The following SLCO3A1 variants were observed in gnomAD, a reference collection of about 807,000 sequenced individuals.
The protein encoded by SLCO3A1 is solute carrier organic anion transporter family member 3A1, also known as PGE1 transporter.
SLCO3A1 carries 27 observed loss-of-function variants against 63.1 expected under a neutral mutation model. The observed-to-expected ratio is 0.43, with a 90% CI of 0.32 to 0.59. The LOEUF is 0.59. Among genes scored for constraint, SLCO3A1 ranks in the 20% least tolerant of loss-of-function variants. SLCO3A1 has a pLI of 0.09. For missense variants in SLCO3A1, 773 were observed against 945.8 expected (o/e 0.82, Z 2.40); for synonymous variants, 473 against 409.9 (o/e 1.15, Z -1.86).
At chr15:92,017,959 C>T (rs80193374) in intron 2 of SLCO3A1, among the ~76,000 whole-genome samples, 4,348 of 152,076 alleles carry the variant, frequency 0.029, 212 homozygotes, top group African/African-American at 0.099. Context: ...TTGGAGAGGT[C>T]GGAGGGAAAC....
chr15:91,951,335 C>T (rs1899990481), intron 2 of SLCO3A1, among the ~76,000 whole-genome samples: 1 of 152,106 alleles, frequency 6.6e-6, no homozygotes, highest in Non-Finnish European at 1.5e-5. Flanking sequence ...TGTTTTGTGT[C>T]CAATTCTTTC....
intron 2 of SLCO3A1, among the ~76,000 whole-genome samples, chr15:92,048,018 C>T (rs900891174): frequency 4.6e-5 from 7 of 152,080 alleles, no homozygotes; most frequent in Non-Finnish European, 8.8e-5. Context: ...TTGCCTCTCT[C>T]TGCCCCTAAT....
intron 9 of SLCO3A1, among the ~76,000 whole-genome samples, chr15:92,153,794 A>G (rs112275133): frequency 0.057 from 8,697 of 152,218 alleles, 335 homozygotes; most frequent in South Asian, 0.088. Flanking sequence ...CTTACGGGGT[A>G]AAAGCCCGGG....
chr15:91,922,187 C>G (rs563308810), intron 2 of SLCO3A1, among the ~76,000 whole-genome samples: 1 of 137,346 alleles, frequency 7.3e-6, no homozygotes, highest in East Asian at 2.6e-4. Context: ...CAGACACACG[C>G]GCGTGCACGC....
At chr15:92,120,406 A>C in intron 4 of SLCO3A1, 59 bp from the exon 5 acceptor site, 1 of 1,549,028 alleles carries the variant, frequency 6.5e-7, no homozygotes, top group Non-Finnish European at 8.8e-7. Flanking sequence ...AGGGAGCTAT[A>C]AGATGGGAGC....
intron 5 of SLCO3A1, among the ~76,000 whole-genome samples, chr15:92,121,242 C>G (rs1299802322): frequency 6.6e-6 from 1 of 152,228 alleles, no homozygotes; most frequent in Non-Finnish European, 1.5e-5. Context: ...TGTGGTCCTG[C>G]AGCATGTCTT....
intron 2 of SLCO3A1, among the ~76,000 whole-genome samples, chr15:91,999,452 A>G (rs570483406): frequency 6.6e-6 from 1 of 152,316 alleles, no homozygotes; most frequent in African/African-American, 2.4e-5. Flanking sequence ...AGAGGGAGAA[A>G]TCAGAGGTGA....
chr15:91,982,805 G>C (rs990687146), intron 2 of SLCO3A1, among the ~76,000 whole-genome samples: 1 of 152,266 alleles, frequency 6.6e-6, no homozygotes, highest in Non-Finnish European at 1.5e-5. Context: ...ATGCTGGTGG[G>C]TGGGGAGCTG....
At position 91,954,144 on chromosome 15, in the gene SLCO3A1, G is replaced by T. The variant is rs1331084875; in HGVS notation, c.646+37686G>T. 1.3e-5 allele frequency among the ~76,000 whole-genome samples: 2 copies of T among 152,234 alleles called. No homozygotes were observed. The highest frequency in any genetic ancestry group is 2.9e-5 in the Non-Finnish European group (2 of 68,038). ...AGATTGAGAAAGGCACATACAGTCT[G>T]TGAAGATAGTTTTGACCTCCTAGAC... is the stretch of plus-strand genomic sequence containing the variant. On this transcript the variant is annotated intron_variant, in intron 2 of 9. Coordinates refer to ENST00000318445, the MANE Select transcript of SLCO3A1 (RefSeq NM_013272.4). The surrounding 1 kb of genome is among the most constrained non-coding windows in gnomAD (Gnocchi z 4.7).
At chr15:92,030,907 C>T (rs1435982744) in intron 2 of SLCO3A1, among the ~76,000 whole-genome samples, 2 of 152,002 alleles carry the variant, frequency 1.3e-5, no homozygotes, top group East Asian at 1.9e-4. Flanking sequence ...AAAACAGATG[C>T]CAACCTATGG....
chr15:91,889,410 C>T (rs1897814954), intron 1 of SLCO3A1, among the ~76,000 whole-genome samples: 1 of 152,188 alleles, frequency 6.6e-6, no homozygotes, highest in South Asian at 2.1e-4. Context: ...TCTTACATCC[C>T]AGGGGTATCT....
In SLCO3A1 at chr15:92,091,377, A is replaced by G. The variant is rs191354702; in HGVS notation, c.647-3504A>G. ...CCTGGAGGCGCTGGCCCTTCCTTCC[A>G]CAGGGATCCTGCATCTCAGTACCTG... On this transcript the variant is annotated intron_variant, in intron 2 of 9. Transcript: ENST00000318445. Among the ~76,000 whole-genome samples, 155 of 152,280 alleles carry G rather than the reference A, an allele frequency of 1.0e-3. 1 individual carries two copies. The highest frequency in any genetic ancestry group is 3.5e-3 in the African/African-American group (147 of 41,560).
intron 2 of SLCO3A1, among the ~76,000 whole-genome samples, chr15:92,057,673 C>G (rs116832785): frequency 0.014 from 2,128 of 152,308 alleles, 13 homozygotes; most frequent in African/African-American, 0.027. Flanking sequence ...AGAATGTCTG[C>G]TGCTTCTTGA....
intron 4 of SLCO3A1, among the ~76,000 whole-genome samples, chr15:92,115,069 A>AAT (rs67180571): frequency 0.75 from 113,567 of 151,360 alleles, 44,291 homozygotes; most frequent in East Asian, 0.95. Context: ...ATCAAAGGAA[A>AAT]AGAAAGTCAA....
chr15:92,148,393 T>G (rs1211500779), intron 8 of SLCO3A1, among the ~76,000 whole-genome samples: 2 of 152,246 alleles, frequency 1.3e-5, no homozygotes, highest in Non-Finnish European at 2.9e-5. Flanking sequence ...CTCATCTTTA[T>G]TATGAATTCC....
At chr15:91,866,314 C>G (rs1225610419) in intron 1 of SLCO3A1, among the ~76,000 whole-genome samples, 1 of 152,174 alleles carries the variant, frequency 6.6e-6, no homozygotes, top group Non-Finnish European at 1.5e-5. Flanking sequence ...TCCCATCCCT[C>G]ACACCCAGGA....
rs961918012 is a variant in SLCO3A1 at position 91,882,577 on chromosome 15, T to C, written c.180+28489T>C. 6.0e-5 allele frequency among the ~76,000 whole-genome samples: 9 copies of C among 149,138 alleles called. No homozygotes were observed. Among genetic ancestry groups the C allele is most frequent in the Non-Finnish European group, 5.9e-5 (4 of 67,244 alleles). On this transcript the variant is annotated intron_variant, in intron 1 of 9. Transcript: ENST00000318445. The surrounding 1 kb of genome is among the most constrained non-coding windows in gnomAD (Gnocchi z 4.4). ...TCGCCCAGGCCCGAGTGCAGTGGCA[T>C]GATCTCAGCTCACTGCAACCTCCGC... is the stretch of plus-strand genomic sequence containing the variant.
chr15:92,128,849 A>G (rs1029911905), intron 7 of SLCO3A1, among the ~76,000 whole-genome samples: 1 of 152,164 alleles, frequency 6.6e-6, no homozygotes, highest in African/African-American at 2.4e-5. Flanking sequence ...CTTAAAAACC[A>G]TTTATCAGGA....
Position 92,105,695 on chromosome 15 carries a change from T to A in SLCO3A1, c.1009+1153T>A, listed in dbSNP as rs1667236567. On this transcript the variant is annotated intron_variant, in intron 4 of 9. Transcript: ENST00000318445. ...CAGCTCCCCTGACGTCCTGCTGGAT[T>A]TTAGAAATGAGTGGGCTCATGCAGC... Among the ~76,000 whole-genome samples the A allele has an allele frequency of 2.0e-5, 3 of 152,112 alleles. No individual in the cohort carries two copies. The South Asian group carries it at 6.2e-4, about 31-fold the overall frequency.
Sources: gnomAD v4.1 joint callset for allele counts (sites outside exome capture counted in the v4.1 genomes callset) on GRCh38, gnomAD v4.1.1 for gene constraint, Gnocchi (gnomAD v3.1) non-coding constraint, MANE v1.5 for transcripts, NCBI Gene and HGNC (gene_info 2026-07-23, HGNC 2026-07-21) for gene names.